The following MAP4K1 variants were observed in gnomAD, a reference collection of about 807,000 sequenced individuals.
MAP4K1 encodes mitogen-activated protein kinase kinase kinase kinase 1.
Under a neutral mutation model 122.8 loss-of-function variants are expected in MAP4K1, and 35 were observed. The ratio of observed to expected loss-of-function variants is 0.29; its 90% CI spans 0.22 to 0.38. The LOEUF (loss-of-function observed/expected upper bound fraction) is 0.38, where lower values mean the gene tolerates loss of function less well. Ranked by LOEUF, MAP4K1 falls within the 10% of genes least tolerant of loss-of-function variation. The pLI is 1.00. For synonymous variants in MAP4K1, 412 were observed against 421.3 expected (o/e 0.98, Z 0.27); for missense variants, 791 against 1,072.6 (o/e 0.74, Z 3.67).
intron 19 of MAP4K1, among the ~76,000 whole-genome samples, chr19:38,604,481 C>T (rs966785437): frequency 6.6e-6 from 1 of 152,086 alleles, no homozygotes; most frequent in Non-Finnish European, 1.5e-5. Flanking sequence ...TGTGCCACCA[C>T]GCCCAGCTAA....
intron 29 of MAP4K1, among the ~76,000 whole-genome samples, chr19:38,593,733 T>G (rs1209834679): frequency 1.3e-5 from 2 of 152,128 alleles, no homozygotes; most frequent in Non-Finnish European, 2.9e-5. Context: ...ATACAAAAAT[T>G]AGCCAGCTGT....
chr19:38,616,223 C>T lies in MAP4K1; in HGVS notation c.285G>A (p.Gly95=). 1 of 1,613,510 alleles carries T rather than the reference C, an allele frequency of 6.2e-7. No individual in the cohort carries two copies. Among genetic ancestry groups the T allele is most frequent in the Non-Finnish European group, 8.5e-7 (1 of 1,179,862 alleles). ...GGTAGATGTCCTGGAGAGAACCAGCCCCACAGAATTCCATGCAGATCCAGA... is the reference window on the plus strand; with the variant it reads ...GGTAGATGTCCTGGAGAGAACCAGCTCCACAGAATTCCATGCAGATCCAGA... ...QKLWICMEFC[G]AGSLQDIYQV... The change falls in exon 4 of 31, where the codon GGG becomes GGA. Residue 95 remains glycine (G), a synonymous_variant. Coordinates refer to ENST00000396857, the MANE Select transcript of MAP4K1 (RefSeq NM_001042600.3).
At chr19:38,614,206 G>T (rs1481495195) in intron 6 of MAP4K1, 39 bp downstream of exon 6, 5 of 1,611,602 alleles carry the variant, frequency 3.1e-6, no homozygotes, top group Non-Finnish European at 4.2e-6. Flanking sequence ...CATCTCCTGG[G>T]CCCCACCCCC....
chr19:38,597,089 G>A lies in MAP4K1; in HGVS notation c.1886C>T (p.Thr629Met). 3 of 1,614,076 alleles carry A rather than the reference G, an allele frequency of 1.9e-6. No individual in the cohort carries two copies. Among genetic ancestry groups the A allele is most frequent in the Non-Finnish European group, 2.5e-6 (3 of 1,179,990 alleles). The change falls in exon 25 of 31, where the codon ACG (threonine) becomes ATG (methionine). Residue 629 changes from threonine to methionine, a missense_variant. Physicochemically the swap from Thr to Met is moderately conservative, Grantham distance 81 (BLOSUM62 -1). This residue lies in a region of MAP4K1 where 267 missense variants were observed against 323.0 expected (regional missense o/e 0.83). Transcript: ENST00000396857. This position sits in a 1 kb window ranked among gnomAD's most constrained non-coding sequence, Gnocchi z 4.6. ...GTACCACTGAAGCAGGACAACGGAC[G>A]TCTCCAATGCACCGCACAGGAACGG... is the stretch of plus-strand genomic sequence containing the variant. ...GGPFLCGALE[T>M]SVVLLQWYQP...
intron 19 of MAP4K1, among the ~76,000 whole-genome samples, chr19:38,603,071 TAC>T (rs1390883424): frequency 8.2e-6 from 1 of 121,360 alleles, no homozygotes; most frequent in Non-Finnish European, 1.8e-5. Flanking sequence ...TATACACATA[TAC>T]ATATATACAC....
chr19:38,604,261 A>G lies in MAP4K1; in HGVS notation c.1446+1148T>C, dbSNP rs78772194. Among the ~76,000 whole-genome samples, 1,439 of 152,226 alleles carry G rather than the reference A, an allele frequency of 9.5e-3. 24 individuals carry two copies. The highest frequency in any genetic ancestry group is 0.033 in the African/African-American group (1,372 of 41,552). ...GTGTGTAGGCATTATGCATGTACGTAAAAACACTGAAACTTCCTGAATAAA... is the reference window on the plus strand; with the variant it reads ...GTGTGTAGGCATTATGCATGTACGTGAAAACACTGAAACTTCCTGAATAAA... On this transcript the variant is annotated intron_variant, in intron 19 of 30. Transcript: ENST00000396857.
At chr19:38,598,915 A>T (rs1974970824) in intron 22 of MAP4K1, among the ~76,000 whole-genome samples, 1 of 145,236 alleles carries the variant, frequency 6.9e-6, no homozygotes, top group Non-Finnish European at 1.5e-5. Context: ...TGGGAGGGTG[A>T]GGCAGGAGAA....
At chr19:38,605,297 G>C in intron 19 of MAP4K1, 112 bp downstream of exon 19, 1 of 792,930 alleles carries the variant, frequency 1.3e-6, no homozygotes, top group South Asian at 1.6e-5. Flanking sequence ...ACAGAGAAGC[G>C]CTCAACAAAT....
At chr19:38,598,496 T>C (rs566761512) in intron 22 of MAP4K1, among the ~76,000 whole-genome samples, 1 of 151,186 alleles carries the variant, frequency 6.6e-6, no homozygotes, top group East Asian at 1.9e-4. Flanking sequence ...ACCCAGCTAA[T>C]TTTTTTTTAA....
intron 30 of MAP4K1, among the ~76,000 whole-genome samples, chr19:38,588,955 T>C (rs926955079): frequency 4.6e-5 from 7 of 151,112 alleles, no homozygotes; most frequent in Non-Finnish European, 1.0e-4. Context: ...TAATAGACTA[T>C]AACCCACAGA....
intron 19 of MAP4K1, among the ~76,000 whole-genome samples, chr19:38,602,855 T>C (rs971408661): frequency 1.3e-5 from 2 of 148,772 alleles, no homozygotes; most frequent in African/African-American, 2.5e-5. Flanking sequence ...TATACACATA[T>C]ACATATATAC....
intron 9 of MAP4K1, among the ~76,000 whole-genome samples, chr19:38,612,277 G>A (rs537765314): frequency 1.1e-4 from 17 of 151,628 alleles, no homozygotes; most frequent in African/African-American, 2.9e-4. Flanking sequence ...AAAATTAGCC[G>A]GGCGTGGTGG....
At chr19:38,604,877 A>G (rs548531773) in intron 19 of MAP4K1, among the ~76,000 whole-genome samples, 1 of 152,004 alleles carries the variant, frequency 6.6e-6, no homozygotes, top group South Asian at 2.1e-4. Context: ...ACCTGAGGTC[A>G]GGAGTTCAAG....
rs1248019967 is a variant in MAP4K1, at chr19:38,607,880, A to G, written c.1141T>C (p.Tyr381His). Residue 381 changes from tyrosine to histidine, a missense_variant, in exon 16 of 31, where the codon TAT becomes CAT. By Grantham distance (83) the Tyr-to-His change is moderately conservative. Transcript: ENST00000396857. ...CTCACTTACATGTCCACGTCGTCATAGTCATCGTCAGACGACTCTGACAGT... is the reference window on the plus strand; with the variant it reads ...CTCACTTACATGTCCACGTCGTCATGGTCATCGTCAGACGACTCTGACAGT... The part of the protein sequence containing the change: ...KQLSESSDDD[Y>H]DDVDIPTPAE... 1 of 1,612,182 alleles carries G rather than the reference A, an allele frequency of 6.2e-7. No individual in the cohort carries two copies. The highest frequency in any genetic ancestry group is 8.5e-7 in the Non-Finnish European group (1 of 1,179,298).
At chr19:38,608,880 T>C (rs1568637663) in intron 13 of MAP4K1, among the ~76,000 whole-genome samples, 1 of 143,534 alleles carries the variant, frequency 7.0e-6, no homozygotes, top group Admixed American at 7.1e-5. Context: ...CTCAGGAGGC[T>C]GAGGTGGGAG....
rs544239894 is a variant in MAP4K1 at position 38,609,125 on chromosome 19, T to C, written c.1006+471A>G. ...TGGGAACTCTATGGTCATTTTGCTT[T>C]TGTTTTTGTTTTGTTTTGTTTTGTC... On this transcript the variant is annotated intron_variant, in intron 13 of 30. Transcript: ENST00000396857. Among the ~76,000 whole-genome samples the C allele has an allele frequency of 2.0e-5, 3 of 152,166 alleles. No homozygotes were observed. The South Asian group carries it at 6.2e-4, about 32-fold the overall frequency.
At chr19:38,600,302 C>G (rs1975021644) in intron 20 of MAP4K1, 149 bp from the exon 21 acceptor site, 1 of 677,576 alleles carries the variant, frequency 1.5e-6, no homozygotes, top group Non-Finnish European at 2.6e-6. Flanking sequence ...TCTGTTTCCC[C>G]AAACAAAGCC....
chr19:38,599,825 G>T, intron 22 of MAP4K1, 100 bp downstream of exon 22: 1 of 1,113,954 alleles, frequency 9.0e-7, no homozygotes, highest in Non-Finnish European at 1.4e-6. Flanking sequence ...TGACCAAGCA[G>T]TCTAAGTTTT....
At position 38,590,421 on chromosome 19, in the gene MAP4K1, AT is replaced by A. The variant is rs1568619007; in HGVS notation, c.2397-2605del. On this transcript the variant is annotated intron_variant, in intron 30 of 30. Coordinates refer to ENST00000396857, the MANE Select transcript of MAP4K1 (RefSeq NM_001042600.3). The stretch of plus-strand genomic sequence containing the variant: ...TATATATATATATATATATATATAT[AT>A]ATATATATATATATAATCACGGGCG... 2.2e-4 allele frequency among the ~76,000 whole-genome samples: 25 copies of A among 113,162 alleles called. 1 individual carries two copies. The highest frequency in any genetic ancestry group is 8.6e-4 in the African/African-American group (25 of 29,146). The allele number at this position is 113,162 out of a possible 152,430, so 74.2% of individuals were successfully genotyped here. A position where few individuals can be genotyped will look rare whatever the true frequency, so the allele number is the denominator to read the frequency against.
Sources: allele counts gnomAD v4.1 joint callset (sites outside exome capture counted in the v4.1 genomes callset), GRCh38; gene constraint gnomAD v4.1.1; regional missense constraint gnomAD v4.1.1; non-coding constraint Gnocchi (gnomAD v3.1); transcripts MANE v1.5; gene names NCBI Gene and HGNC (gene_info 2026-07-23, HGNC 2026-07-21).